Variants in STAU1 observed in about 807,000 individuals in gnomAD.
The protein encoded by STAU1 is staufen double-stranded RNA binding protein 1, also known as double-stranded RNA-binding protein Staufen homolog 1.
Under a neutral mutation model 62.9 loss-of-function variants are expected in STAU1, and 13 were observed. The observed-to-expected ratio is 0.21, with a 90% CI of 0.13 to 0.33. STAU1 has a LOEUF of 0.33. Ranked by LOEUF, STAU1 falls within the 10% of genes least tolerant of loss-of-function variation. The pLI is 1.00. For synonymous variants in STAU1, 269 were observed against 265.1 expected (o/e 1.01, Z -0.14); for missense variants, 571 against 712.1 (o/e 0.80, Z 2.25).
chr20:49,218,286 A>T, the STAU1 span, among the ~76,000 whole-genome samples: 1 of 148,594 alleles, frequency 6.7e-6, no homozygotes, highest in Non-Finnish European at 1.5e-5. Flanking sequence ...GTGCAGTGGC[A>T]CGATCTCGGC....
intron 5 of STAU1, among the ~76,000 whole-genome samples, chr20:49,140,359 C>A (rs2092982405): frequency 1.3e-5 from 2 of 152,068 alleles, no homozygotes; most frequent in South Asian, 2.1e-4. Context: ...TTTTTATACA[C>A]CAGGGTTCAC....
chr20:49,153,906 C>CAAA (rs3092191), intron 4 of STAU1, 27 bp downstream of exon 4: 1,127 of 1,370,824 alleles, frequency 8.2e-4, no homozygotes, highest in South Asian at 3.3e-3. Flanking sequence ...CTGTATTTTA[C>CAAA]AAAAAAAAAA....
the STAU1 span, among the ~76,000 whole-genome samples, chr20:49,198,415 G>A: frequency 6.6e-6 from 1 of 152,112 alleles, no homozygotes; most frequent in Non-Finnish European, 1.5e-5. Flanking sequence ...CCTGAGTCAG[G>A]AGAATGACTT....
Position 49,117,359 on chromosome 20 carries a change from C to T in STAU1, c.1510-111G>A. On this transcript the variant is annotated intron_variant, in intron 11 of 13. Transcript: ENST00000371856. The surrounding 1 kb of genome is among the most constrained non-coding windows in gnomAD (Gnocchi z 4.6). ...AGATCACCAGCTCTTTTTTCCAACT[C>T]AGCCCCACTGTGGCCATACTAACAC... 4 of 1,386,288 alleles carry T rather than the reference C, an allele frequency of 2.9e-6. No individual in the cohort carries two copies. The highest frequency in any genetic ancestry group is 4.0e-6 in the Non-Finnish European group (4 of 1,003,636). The allele number at this position is 1,386,288 out of a possible 1,614,324, so 85.9% of individuals were successfully genotyped here.
upstream of STAU1, among the ~76,000 whole-genome samples, chr20:49,189,201 C>CAAAAAAAAAAAAAA (rs545643816): frequency 3.0e-5 from 1 of 33,596 alleles, no homozygotes; most frequent in Non-Finnish European, 5.2e-5. Flanking sequence ...ACACTGGTCT[C>CAAAAAAAAAAAAAA]AAAAAAAAAA....
chr20:49,141,365 G>A (rs530608078), intron 5 of STAU1, among the ~76,000 whole-genome samples: 179 of 152,302 alleles, frequency 1.2e-3, no homozygotes, highest in African/African-American at 4.1e-3. Flanking sequence ...GAGATGGATG[G>A]TTTGTTTGAA....
chr20:49,157,865 C>T (rs2093386315), intron 3 of STAU1, among the ~76,000 whole-genome samples: 1 of 152,154 alleles, frequency 6.6e-6, no homozygotes, highest in Admixed American at 6.5e-5. Context: ...TCCAGTGATC[C>T]TCTCGCCTCA....
chr20:49,168,133 T>G (rs1266391117), intron 2 of STAU1, among the ~76,000 whole-genome samples: 2 of 150,832 alleles, frequency 1.3e-5, no homozygotes, highest in African/African-American at 4.9e-5. Context: ...CAGGCTGGAG[T>G]GCAGTGTTGC....
At chr20:49,193,116 C>A (rs2093833285), upstream of STAU1, among the ~76,000 whole-genome samples, 1 of 152,086 alleles carries the variant, frequency 6.6e-6, no homozygotes, top group East Asian at 1.9e-4. Context: ...GTGACTCACG[C>A]CTGTAATCCC....
chr20:49,167,047 T>C (rs1422557479), intron 2 of STAU1, among the ~76,000 whole-genome samples: 1 of 152,032 alleles, frequency 6.6e-6, no homozygotes, highest in Non-Finnish European at 1.5e-5. Context: ...ACTGGTGTGG[T>C]TGGGTGGGGG....
intron 3 of STAU1, among the ~76,000 whole-genome samples, chr20:49,161,840 G>T (rs1225295127): frequency 1.3e-5 from 2 of 152,204 alleles, no homozygotes; most frequent in Admixed American, 6.5e-5. Context: ...TACACTCCCA[G>T]AGAAGACGCA....
the STAU1 span, among the ~76,000 whole-genome samples, chr20:49,211,350 C>T: frequency 6.7e-6 from 1 of 149,656 alleles, no homozygotes; most frequent in Admixed American, 6.8e-5. Context: ...AGTTGAATTG[C>T]TGGTTCATAT....
chr20:49,196,444 C>CAAAAAAAAAAAAAAAAA, the STAU1 span, among the ~76,000 whole-genome samples: 1 of 91,542 alleles, frequency 1.1e-5, no homozygotes. Flanking sequence ...CAAAACAAAA[C>CAAAAAAAAAAAAAAAAA]AAAAAAAAAA....
intron 13 of STAU1, 28 bp from the exon 14 acceptor site, chr20:49,114,921 C>T (rs201238295): frequency 1.2e-6 from 2 of 1,610,852 alleles, no homozygotes; most frequent in East Asian, 4.5e-5. Flanking sequence ...GAAAATGACA[C>T]TAGTTTTGAA....
At chr20:49,188,418 C>G (rs1485755237), upstream of STAU1, 1 of 151,846 alleles carries the variant, frequency 6.6e-6, no homozygotes, top group Non-Finnish European at 1.5e-5. Context: ...CCTCCAGGCC[C>G]GGCCCCGGCC....
chr20:49,173,976 A>G (rs1172801445), intron 2 of STAU1, among the ~76,000 whole-genome samples: 1 of 152,230 alleles, frequency 6.6e-6, no homozygotes, highest in African/African-American at 2.4e-5. Flanking sequence ...TCATGTCTCT[A>G]TATTTAAAGA....
At chr20:49,178,512 GC>G (rs1159446043) in intron 1 of STAU1, among the ~76,000 whole-genome samples, 2 of 152,176 alleles carry the variant, frequency 1.3e-5, no homozygotes, top group African/African-American at 4.8e-5. Flanking sequence ...ACTTTGGGAG[GC>G]CAAGGCAGGT....
At chr20:49,177,386 A>G (rs553796883) in intron 1 of STAU1, among the ~76,000 whole-genome samples, 1 of 152,060 alleles carries the variant, frequency 6.6e-6, no homozygotes, top group Admixed American at 6.5e-5. Context: ...AATAAAATTT[A>G]AAAATTTAAG....
the STAU1 span, among the ~76,000 whole-genome samples, chr20:49,211,970 A>G: frequency 6.6e-6 from 1 of 152,198 alleles, no homozygotes; most frequent in Admixed American, 6.5e-5. Context: ...CAAAATGTTC[A>G]TATCTTCATG....
Sources: allele counts gnomAD v4.1 joint callset (sites outside exome capture counted in the v4.1 genomes callset), GRCh38; gene constraint gnomAD v4.1.1; non-coding constraint Gnocchi (gnomAD v3.1); transcripts MANE v1.5; gene names NCBI Gene and HGNC (gene_info 2026-07-23, HGNC 2026-07-21).